Variants in LRP1B observed in about 807,000 individuals in gnomAD.
LRP1B encodes LDL receptor related protein 1B.
LRP1B carries 217 observed loss-of-function variants against 556.6 expected under a neutral mutation model. That is an observed-to-expected ratio of 0.39 (90% confidence interval 0.35 to 0.44). The LOEUF (loss-of-function observed/expected upper bound fraction) is 0.44. LRP1B is among the 20% of genes least tolerant of loss of function. The probability of loss-of-function intolerance (pLI) is 1.00; values close to 1 mark genes in which losing one functional copy is unlikely to be tolerated. For synonymous variants in LRP1B, 2,047 were observed against 1,865.8 expected (o/e 1.10, Z -2.50); for missense variants, 5,053 against 5,620.8 (o/e 0.90, Z 3.23).
intron 2 of LRP1B, among the ~76,000 whole-genome samples, chr2:141,730,266 A>G (rs1693221454): frequency 1.3e-5 from 2 of 152,060 alleles, no homozygotes; most frequent in African/African-American, 4.8e-5. Context: ...TAATTGGCTG[A>G]GTGTGGACCA....
At chr2:141,250,768 T>C (rs1277537760) in intron 4 of LRP1B, among the ~76,000 whole-genome samples, 1 of 152,120 alleles carries the variant, frequency 6.6e-6, no homozygotes, top group Non-Finnish European at 1.5e-5. Context: ...AATGTCAGAA[T>C]TGGGTTGAAT....
chr2:140,494,533 G>A (rs1688832371), intron 56 of LRP1B, among the ~76,000 whole-genome samples: 1 of 151,108 alleles, frequency 6.6e-6, no homozygotes. Context: ...TGAACCTGGG[G>A]GAGGCAGAGC....
At chr2:141,685,392 G>A (rs1157526120) in intron 2 of LRP1B, among the ~76,000 whole-genome samples, 3 of 151,960 alleles carry the variant, frequency 2.0e-5, no homozygotes, top group African/African-American at 4.8e-5. Flanking sequence ...TGAGATTTTT[G>A]CAAATGTTGG....
At position 140,994,041 on chromosome 2, in the gene LRP1B, G is replaced by A. The variant is rs376088575; in HGVS notation, c.2598C>T (p.Gly866=). 31 of 1,612,378 alleles carry A rather than the reference G, an allele frequency of 1.9e-5. No individual in the cohort carries two copies. The highest frequency in any genetic ancestry group is 6.7e-5 in the East Asian group (3 of 44,776). ...HCIQARWKCD[G]DDDCLDGSDE... ...CGCTTCCGTCTAGGCAGTCATCGTC[G>A]CCATCACATTTCCACCGAGCTTGGA... The change falls in exon 16 of 91, where the codon GGC becomes GGT. Residue 866 remains glycine, a synonymous_variant. Coordinates refer to ENST00000389484, the MANE Select transcript of LRP1B (RefSeq NM_018557.3).
chr2:142,092,270 G>A (rs1232688566), intron 1 of LRP1B, among the ~76,000 whole-genome samples: 1 of 152,116 alleles, frequency 6.6e-6, no homozygotes, highest in Non-Finnish European at 1.5e-5. Context: ...CTTATAAATT[G>A]TTTGTTTAAA....
chr2:140,612,528 T>C (rs1332551511), intron 41 of LRP1B, among the ~76,000 whole-genome samples: 1 of 152,164 alleles, frequency 6.6e-6, no homozygotes, highest in Admixed American at 6.5e-5. Flanking sequence ...ATTTCTTTAC[T>C]CAACAAGTCA....
At chr2:140,528,644 G>A (rs531823928) in intron 47 of LRP1B, among the ~76,000 whole-genome samples, 31 of 151,936 alleles carry the variant, frequency 2.0e-4, no homozygotes, top group Admixed American at 1.6e-3. Context: ...ATTTGGTGTA[G>A]GGTTTGAGAA....
At chr2:141,200,134 T>C (rs539401569) in intron 6 of LRP1B, among the ~76,000 whole-genome samples, 5 of 152,292 alleles carry the variant, frequency 3.3e-5, no homozygotes, top group African/African-American at 1.2e-4. Flanking sequence ...TATATGTTAA[T>C]TGCCGAACTA....
intron 1 of LRP1B, among the ~76,000 whole-genome samples, chr2:141,993,615 T>C (rs1448141919): frequency 6.6e-6 from 1 of 152,178 alleles, no homozygotes; most frequent in Non-Finnish European, 1.5e-5. Context: ...CTATTTTCTT[T>C]ATTTCCTTTT....
At chr2:140,604,309 C>T (rs1031984519) in intron 41 of LRP1B, among the ~76,000 whole-genome samples, 24 of 151,886 alleles carry the variant, frequency 1.6e-4, no homozygotes, top group African/African-American at 5.6e-4. Context: ...GAGTCAGGTC[C>T]TGACATGTTT....
At chr2:140,851,407 G>GA (rs907971359) in intron 28 of LRP1B, among the ~76,000 whole-genome samples, 11 of 151,428 alleles carry the variant, frequency 7.3e-5, no homozygotes, top group East Asian at 1.9e-4. Flanking sequence ...AAAGTAGCAG[G>GA]AAAAAAAATC....
chr2:141,845,255 T>C (rs1697607441), intron 1 of LRP1B, among the ~76,000 whole-genome samples: 1 of 151,864 alleles, frequency 6.6e-6, no homozygotes, highest in South Asian at 2.1e-4. Flanking sequence ...ACCTCTGCAG[T>C]AATTTTTAAT....
In LRP1B at chr2:140,323,715, A is replaced by AAATAGAATTATCTATAGTTTG. The variant is rs1392167888; in HGVS notation, c.12514+157_12514+177dup. Among the ~76,000 whole-genome samples, 95 of 152,166 alleles carry AAATAGAATTATCTATAGTTTG rather than the reference A, an allele frequency of 6.2e-4. 2 individuals are homozygous for AAATAGAATTATCTATAGTTTG. Among genetic ancestry groups the AAATAGAATTATCTATAGTTTG allele is most frequent in the Non-Finnish European group, 6.3e-4 (43 of 67,944 alleles). On this transcript the variant is annotated intron_variant, in intron 81 of 90. Coordinates refer to ENST00000389484, the MANE Select transcript of LRP1B (RefSeq NM_018557.3). ...CTGAACATTTTCCCAATTACAGCAGAAATAGAATTATCTATAGTTTGGTAA... is the reference window on the plus strand; with the variant it reads ...CTGAACATTTTCCCAATTACAGCAGAAATAGAATTATCTATAGTTTGAATAGAATTATCTATAGTTTGGTAA...
At chr2:141,218,270 G>A (rs1207292847) in intron 6 of LRP1B, among the ~76,000 whole-genome samples, 3 of 152,130 alleles carry the variant, frequency 2.0e-5, no homozygotes, top group Non-Finnish European at 4.4e-5. Context: ...TCAACCTAGT[G>A]ATCCCATTAC....
intron 1 of LRP1B, among the ~76,000 whole-genome samples, chr2:142,018,843 T>G (rs7585014): frequency 0.3 from 45,229 of 151,770 alleles, 7,107 homozygotes; most frequent in Middle Eastern, 0.47. Flanking sequence ...GATAAATGCC[T>G]AAATTCTCCA....
At chr2:141,736,262 C>G (rs895887710) in intron 2 of LRP1B, among the ~76,000 whole-genome samples, 1 of 152,074 alleles carries the variant, frequency 6.6e-6, no homozygotes, top group African/African-American at 2.4e-5. Context: ...GAATGAAGCT[C>G]CTGGATGCTA....
chr2:141,821,492 G>A (rs1346561426), intron 1 of LRP1B, among the ~76,000 whole-genome samples: 5 of 152,152 alleles, frequency 3.3e-5, no homozygotes, highest in Admixed American at 3.3e-4. Context: ...ATGAAGGCCA[G>A]CAATAATGAC....
chr2:141,963,774 T>C (rs1263582630), intron 1 of LRP1B, among the ~76,000 whole-genome samples: 1 of 146,642 alleles, frequency 6.8e-6, no homozygotes, highest in Non-Finnish European at 1.5e-5. Context: ...AAATAAAGGG[T>C]ATTCAGTTAG....
chr2:140,753,985 G>C (rs1688664942), intron 35 of LRP1B, among the ~76,000 whole-genome samples: 1 of 152,108 alleles, frequency 6.6e-6, no homozygotes, highest in Non-Finnish European at 1.5e-5. Context: ...CCACCTTGCT[G>C]GTAGCACAGA....
Sources: gnomAD v4.1 joint callset for allele counts (sites outside exome capture counted in the v4.1 genomes callset) on GRCh38, gnomAD v4.1.1 for gene constraint, MANE v1.5 for transcripts, NCBI Gene and HGNC (gene_info 2026-07-23, HGNC 2026-07-21) for gene names.